The following USP7 variants were observed in gnomAD, a reference collection of about 807,000 sequenced individuals.
USP7 encodes the protein ubiquitin C-terminal hydrolase 7.
Under a neutral mutation model 162.9 loss-of-function variants are expected in USP7, and 9 were observed. The ratio of observed to expected loss-of-function variants is 0.06; its 90% CI spans 0.03 to 0.10. The LOEUF (loss-of-function observed/expected upper bound fraction) is 0.10. Among genes scored for constraint, USP7 ranks in the 10% least tolerant of loss-of-function variants. USP7 has a pLI of 1.00. For synonymous variants in USP7, 562 were observed against 475.9 expected, an observed-to-expected ratio of 1.18 and a Z score of -2.35; for missense variants, 715 against 1,373.7, an observed-to-expected ratio of 0.52 and a Z score of 7.58.
Position 8,915,285 on chromosome 16 carries a change from A to G in USP7, c.1047T>C (p.Asp349=). 6.2e-7 allele frequency: 1 copy of G among 1,611,972 alleles called. No individual in the cohort carries two copies. The highest frequency in any genetic ancestry group is 8.5e-7 in the Non-Finnish European group (1 of 1,179,552). ...YRSDRREDYY[D]IQLSIKGKKN... ...TCTTTCCTTTGATACTTAGCTGGAT[A>G]TCATAATAATCTTCTCTTCTATCAG... is the stretch of plus-strand genomic sequence containing the variant. Residue 349 remains aspartate, a synonymous_variant, in exon 10 of 31, where the codon GAT becomes GAC. Transcript: ENST00000344836.
At chr16:8,928,331 G>A (rs1004186390) in intron 2 of USP7, among the ~76,000 whole-genome samples, 1 of 152,102 alleles carries the variant, frequency 6.6e-6, no homozygotes, top group African/African-American at 2.4e-5. Context: ...CAAGGACACA[G>A]GACACTCAAA....
At chr16:8,949,296 C>T (rs1445379587) in intron 1 of USP7, among the ~76,000 whole-genome samples, 4 of 152,208 alleles carry the variant, frequency 2.6e-5, no homozygotes, top group Non-Finnish European at 5.9e-5. Flanking sequence ...AACATCGTGG[C>T]ACGTTCCACT....
intron 1 of USP7, among the ~76,000 whole-genome samples, chr16:8,950,138 A>G (rs1899482865): frequency 6.6e-6 from 1 of 152,266 alleles, no homozygotes; most frequent in Non-Finnish European, 1.5e-5. Flanking sequence ...GAGCACATGA[A>G]ATATGGCCAT....
At chr16:8,918,638 C>T (rs1897510441) in intron 6 of USP7, among the ~76,000 whole-genome samples, 1 of 152,050 alleles carries the variant, frequency 6.6e-6, no homozygotes, top group South Asian at 2.1e-4. Context: ...GGTGAAACCC[C>T]GCCTCTACTA....
intron 1 of USP7, among the ~76,000 whole-genome samples, chr16:8,961,809 G>C (rs955300102): frequency 1.3e-5 from 2 of 152,174 alleles, no homozygotes; most frequent in African/African-American, 4.8e-5. Flanking sequence ...CTTCTTTTCA[G>C]CTATTTGGTT....
At chr16:8,947,919 C>T (rs1899361768) in intron 1 of USP7, among the ~76,000 whole-genome samples, 1 of 152,132 alleles carries the variant, frequency 6.6e-6, no homozygotes, top group Non-Finnish European at 1.5e-5. Context: ...CTGCCACATG[C>T]CATTATGCCT....
intron 1 of USP7, among the ~76,000 whole-genome samples, chr16:8,931,723 AT>A (rs1898353536): frequency 6.6e-6 from 1 of 152,204 alleles, no homozygotes; most frequent in East Asian, 1.9e-4. Flanking sequence ...TAAAGCATAA[AT>A]TTCTCACACT....
chr16:8,894,539 A>G lies in USP7; in HGVS notation c.3202+11T>C, dbSNP rs775754567. On this transcript the variant is annotated intron_variant, in intron 30 of 30. Coordinates refer to ENST00000344836, the MANE Select transcript of USP7 (RefSeq NM_003470.3). ...ACCCACACCAGCCCCCGGGGGGGGGAGAACCCTTACCGGGCTGTGGCTCAA... is the reference window on the plus strand; with the variant it reads ...ACCCACACCAGCCCCCGGGGGGGGGGGAACCCTTACCGGGCTGTGGCTCAA... 6 of 1,536,846 alleles carry G rather than the reference A, an allele frequency of 3.9e-6. No individual in the cohort carries two copies. Among genetic ancestry groups the G allele is most frequent in the East Asian group, 2.3e-5 (1 of 43,654 alleles).
At position 8,908,396 on chromosome 16, in the gene USP7, G is replaced by A; in HGVS notation, c.1216C>T (p.Leu406=). ...LTLPPVLHLQ[L]MRFMYDPQTD... is the part of the protein sequence containing the mutation. ...TGAGGGTCATACATAAATCTCATCA[G>A]TTGTAGATGTAACACTGGTGGCAAT... The change falls in exon 12 of 31, where the codon CTG becomes TTG. Residue 406 remains leucine (L), a synonymous_variant. Coordinates refer to ENST00000344836, the MANE Select transcript of USP7 (RefSeq NM_003470.3). 6.2e-7 allele frequency: 1 copy of A among 1,613,734 alleles called. No individual in the cohort carries two copies. Among genetic ancestry groups the A allele is most frequent in the Non-Finnish European group, 8.5e-7 (1 of 1,179,946 alleles).
chr16:8,958,955 C>T (rs1462967987), intron 1 of USP7, among the ~76,000 whole-genome samples: 2 of 152,254 alleles, frequency 1.3e-5, no homozygotes, highest in Non-Finnish European at 2.9e-5. Flanking sequence ...TGGGCCCTTT[C>T]TGCATAGCAC....
At chr16:8,940,460 C>G (rs886984279) in intron 1 of USP7, among the ~76,000 whole-genome samples, 1 of 152,164 alleles carries the variant, frequency 6.6e-6, no homozygotes, top group South Asian at 2.1e-4. Context: ...AGAAGCTGGG[C>G]GCCACCATCA....
chr16:8,895,380 T>C (rs2061665920), intron 27 of USP7, among the ~76,000 whole-genome samples: 1 of 152,222 alleles, frequency 6.6e-6, no homozygotes, highest in Admixed American at 6.5e-5. Flanking sequence ...GGCCAAATAC[T>C]GTATTATCCC....
chr16:8,922,022 G>C (rs185579396), intron 3 of USP7, among the ~76,000 whole-genome samples: 4 of 152,280 alleles, frequency 2.6e-5, no homozygotes, highest in African/African-American at 7.2e-5. Context: ...GCTGACACTG[G>C]GTATGGACCA....
chr16:8,938,983 C>T (rs559336961), intron 1 of USP7, among the ~76,000 whole-genome samples: 66 of 152,246 alleles, frequency 4.3e-4, no homozygotes, highest in African/African-American at 1.5e-3. Flanking sequence ...ACCATTAATA[C>T]CAAGGGACAG....
At chr16:8,919,745 C>T (rs182424674) in intron 5 of USP7, among the ~76,000 whole-genome samples, 112 of 151,496 alleles carry the variant, frequency 7.4e-4, no homozygotes, top group Admixed American at 1.6e-3. Flanking sequence ...GCAATCCTCC[C>T]ACCTCCACGC....
chr16:8,899,066 G>T, intron 23 of USP7, 55 bp downstream of exon 23: 1 of 1,553,142 alleles, frequency 6.4e-7, no homozygotes, highest in South Asian at 1.2e-5. Flanking sequence ...ATGTTTCAAT[G>T]AACTGTGGAA....
At chr16:8,954,413 C>T (rs1050552369) in intron 1 of USP7, among the ~76,000 whole-genome samples, 1 of 152,132 alleles carries the variant, frequency 6.6e-6, no homozygotes, top group Non-Finnish European at 1.5e-5. Flanking sequence ...TGAGGTAGCT[C>T]GCGTGTTCTC....
chr16:8,956,354 G>A (rs1899798563), intron 1 of USP7: 1 of 152,186 alleles, frequency 6.6e-6, no homozygotes, highest in African/African-American at 2.4e-5. Flanking sequence ...AAACATTCAT[G>A]AAGTTAAAGC....
rs1900109701 is a variant in USP7, at chr16:8,963,563, TGCGGCCGCCGCC to T, written c.-290_-279del. ...CGGGCCGGGCGGCCTCGTCGCTCGC[TGCGGCCGCCGCC>T]GCCGCCGCCGCGGGGCCCGCCTCCC... On this transcript the variant is annotated 5_prime_UTR_variant, in exon 1 of 31. Transcript: ENST00000344836. The T allele has an allele frequency of 1.1e-4, 2 of 18,012 alleles. No individual in the cohort carries two copies. Among genetic ancestry groups the T allele is most frequent in the African/African-American group, 2.6e-4 (2 of 7,686 alleles). 1.1% of individuals were successfully genotyped at this position (18,012 alleles called of 1,614,324 possible). A position where few individuals can be genotyped will look rare whatever the true frequency, so the allele number is the denominator to read the frequency against.
Sources: allele counts gnomAD v4.1 joint callset (sites outside exome capture counted in the v4.1 genomes callset), GRCh38; gene constraint gnomAD v4.1.1; transcripts MANE v1.5; gene names NCBI Gene and HGNC (gene_info 2026-07-23, HGNC 2026-07-21).